Variants in ZFYVE1 observed in about 807,000 individuals in gnomAD.
ZFYVE1 encodes the protein zinc finger FYVE domain-containing protein 1.
ZFYVE1 carries 30 observed loss-of-function variants against 74.4 expected under a neutral mutation model. The ratio of observed to expected loss-of-function variants is 0.40; its 90% CI spans 0.30 to 0.55. The LOEUF is 0.55. ZFYVE1 is among the 20% of genes least tolerant of loss of function. ZFYVE1 has a pLI of 0.42. For missense variants in ZFYVE1, 703 were observed against 1,011.6 expected (o/e 0.69, Z 4.14); for synonymous variants, 335 against 385.1 (o/e 0.87, Z 1.52).
Position 72,975,704 on chromosome 14 carries a change from C to T in ZFYVE1, c.1653G>A (p.Lys551=). The T allele has an allele frequency of 6.2e-7, 1 of 1,613,866 alleles. No individual in the cohort carries two copies. The highest frequency in any genetic ancestry group is 2.2e-5 in the East Asian group (1 of 44,868). Residue 551 remains lysine, a synonymous_variant, in exon 9 of 12, where the codon AAG becomes AAA. Coordinates refer to ENST00000556143, the MANE Select transcript of ZFYVE1 (RefSeq NM_021260.4). This position sits in a 1 kb window ranked among gnomAD's most constrained non-coding sequence, Gnocchi z 4.1. The part of the protein sequence containing the change: ...HVWPGTDGFL[K]DNNNAAQRLL... ...GGCGCTGGGCAGCATTGTTGTTGTC[C>T]TTCAGAAACCCATCAGTCTGAAATG...
At position 73,024,016 on chromosome 14, in the gene ZFYVE1, G is replaced by A. The variant is rs373495477; in HGVS notation, c.483+10C>T. On this transcript the variant is annotated intron_variant, in intron 2 of 11. Coordinates refer to ENST00000556143, the MANE Select transcript of ZFYVE1 (RefSeq NM_021260.4). Reference sequence around the variant, plus strand: ...ACTACACATGAATCCCACTATACCCGTGTGCTTACCTGAATTTCTTCATTT... The same window carrying A: ...ACTACACATGAATCCCACTATACCCATGTGCTTACCTGAATTTCTTCATTT... The A allele has an allele frequency of 2.3e-5, 37 of 1,612,086 alleles. No individual in the cohort carries two copies. The Middle Eastern group carries it at 4.9e-4, about 21-fold the overall frequency.
chr14:73,023,884 C>T, intron 2 of ZFYVE1, 142 bp downstream of exon 2: 1 of 1,195,914 alleles, frequency 8.4e-7, no homozygotes. Context: ...CTAAATCTGA[C>T]TCCATGCAAC....
chr14:73,024,208 G>A lies in ZFYVE1; in HGVS notation c.301C>T (p.Leu101=). ...GAATGAGTCCTCTTCTGGCACTCCA[G>A]GCACAAGTTAATTTTGCAGGTCTGG... ...RCQTCKINLC[L]ECQKRTHSGG... is the part of the protein sequence containing the mutation. The change falls in exon 2 of 12, where the codon CTG becomes TTG. Residue 101 remains leucine, a synonymous_variant. Transcript: ENST00000556143. The A allele has an allele frequency of 1.2e-6, 2 of 1,614,088 alleles. No individual in the cohort carries two copies. The highest frequency in any genetic ancestry group is 1.7e-5 in the Admixed American group (1 of 59,986).
At chr14:73,012,362 T>C (rs1894108948) in intron 2 of ZFYVE1, among the ~76,000 whole-genome samples, 1 of 151,926 alleles carries the variant, frequency 6.6e-6, no homozygotes, top group Non-Finnish European at 1.5e-5. Flanking sequence ...TGCCTCATGC[T>C]TGTAAACCCA....
intron 2 of ZFYVE1, among the ~76,000 whole-genome samples, chr14:73,007,156 T>C (rs889556195): frequency 6.6e-6 from 1 of 151,906 alleles, no homozygotes; most frequent in African/African-American, 2.4e-5. Context: ...TGAAAGACCA[T>C]GTACCGGCTC....
At chr14:72,973,622 A>G (rs747608366) in intron 11 of ZFYVE1, among the ~76,000 whole-genome samples, 4 of 152,208 alleles carry the variant, frequency 2.6e-5, no homozygotes, top group Admixed American at 6.5e-5. Flanking sequence ...GGCCTGGAGA[A>G]TACAAAGACC....
intron 3 of ZFYVE1, among the ~76,000 whole-genome samples, chr14:72,997,115 G>A (rs911591803): frequency 6.6e-6 from 1 of 152,130 alleles, no homozygotes; most frequent in African/African-American, 2.4e-5. Flanking sequence ...TGGATGAACT[G>A]TCCGTGGTCC....
At chr14:73,016,732 G>C (rs1341691517) in intron 2 of ZFYVE1, among the ~76,000 whole-genome samples, 1 of 151,674 alleles carries the variant, frequency 6.6e-6, no homozygotes, top group Non-Finnish European at 1.5e-5. Context: ...AAATTAGCCA[G>C]GTGTGGTGGC....
chr14:73,027,082 T>A lies in ZFYVE1; in HGVS notation c.-591A>T, dbSNP rs1178454052. The A allele has an allele frequency of 1.0e-5, 4 of 398,964 alleles. No individual in the cohort carries two copies. The highest frequency in any genetic ancestry group is 1.8e-5 in the Non-Finnish European group (4 of 226,434). The allele number at this position is 398,964 out of a possible 1,614,324, so 24.7% of individuals were successfully genotyped here. The stretch of plus-strand genomic sequence containing the variant: ...TCCCGGGCTTCCTCCTCTCCTGTTG[T>A]CAGTTGGGATCAGCTGATCGGAGTG... On this transcript the variant is annotated 5_prime_UTR_variant, in exon 1 of 12. Coordinates refer to ENST00000556143, the MANE Select transcript of ZFYVE1 (RefSeq NM_021260.4).
At chr14:72,979,810 G>A (rs923352868) in intron 5 of ZFYVE1, among the ~76,000 whole-genome samples, 69 of 152,234 alleles carry the variant, frequency 4.5e-4, no homozygotes, top group African/African-American at 1.5e-3. Context: ...GAAATGGAAC[G>A]TTTACCCAGA....
intron 4 of ZFYVE1, among the ~76,000 whole-genome samples, chr14:72,991,878 T>A (rs1160649082): frequency 6.6e-6 from 1 of 151,872 alleles, no homozygotes; most frequent in Non-Finnish European, 1.5e-5. Context: ...TTTCATTTAA[T>A]CCCCACCTCT....
intron 2 of ZFYVE1, among the ~76,000 whole-genome samples, chr14:73,020,889 A>G (rs950136631): frequency 2.0e-5 from 3 of 152,092 alleles, no homozygotes; most frequent in African/African-American, 7.2e-5. Flanking sequence ...GTGAGCCACC[A>G]TGCCTAGCTA....
rs73301221 is a variant in ZFYVE1, at chr14:73,023,714, C to G, written c.483+312G>C. Among the ~76,000 whole-genome samples the G allele has an allele frequency of 3.5e-3, 533 of 152,086 alleles. 3 individuals carry two copies. Among genetic ancestry groups the G allele is most frequent in the African/African-American group, 0.012 (493 of 41,500 alleles). On this transcript the variant is annotated intron_variant, in intron 2 of 11. Coordinates refer to ENST00000556143, the MANE Select transcript of ZFYVE1 (RefSeq NM_021260.4). ...ATGCTACAATTAATACTAACAACAG[C>G]TACCGTATACACTGACCATTTATTA...
intron 1 of ZFYVE1, among the ~76,000 whole-genome samples, chr14:73,025,286 C>G (rs923195620): frequency 1.3e-5 from 2 of 151,924 alleles, no homozygotes; most frequent in Non-Finnish European, 2.9e-5. Flanking sequence ...CCAGGCTGGT[C>G]TTGAACTCTT....
chr14:73,010,850 T>C (rs139867745), intron 2 of ZFYVE1, among the ~76,000 whole-genome samples: 16 of 151,300 alleles, frequency 1.1e-4, no homozygotes, highest in African/African-American at 3.9e-4. Context: ...TACATTTCAT[T>C]GAAAATCCTT....
Position 72,983,197 on chromosome 14 carries a change from T to A in ZFYVE1, c.1204-1302A>T, listed in dbSNP as rs538209768. On this transcript the variant is annotated intron_variant, in intron 4 of 11. Coordinates refer to ENST00000556143, the MANE Select transcript of ZFYVE1 (RefSeq NM_021260.4). ...TCCTTTTCCTGTTTCCAATGCAGTCTTTTTTTTTTTTTAATTATATTTTAA... is the reference window on the plus strand; with the variant it reads ...TCCTTTTCCTGTTTCCAATGCAGTCATTTTTTTTTTTTAATTATATTTTAA... Among the ~76,000 whole-genome samples the A allele has an allele frequency of 4.7e-5, 5 of 106,424 alleles. No homozygotes were observed. The South Asian group carries it at 7.8e-4, about 17-fold the overall frequency. 69.8% of individuals were successfully genotyped at this position (106,424 alleles called of 152,430 possible).
intron 2 of ZFYVE1, among the ~76,000 whole-genome samples, chr14:72,998,889 G>A (rs1893810686): frequency 6.6e-6 from 1 of 151,204 alleles, no homozygotes; most frequent in South Asian, 2.1e-4. Flanking sequence ...CAAGTGAGGT[G>A]ACTCAGGAGT....
At position 73,024,290 on chromosome 14, in the gene ZFYVE1, G is replaced by A; in HGVS notation, c.219C>T (p.Leu73=). 6.2e-7 allele frequency: 1 copy of A among 1,614,170 alleles called. No individual in the cohort carries two copies. The highest frequency in any genetic ancestry group is 8.5e-7 in the Non-Finnish European group (1 of 1,180,032). ...LKPGHVPYCD[L]CKGLSGHLPG... ...GTAAATGCCCACTGAGACCCTTGCA[G>A]AGGTCACAGTAAGGGACATGGCCAG... is the stretch of plus-strand genomic sequence containing the variant. Residue 73 remains leucine (L), a synonymous_variant, in exon 2 of 12, where the codon CTC becomes CTT. Transcript: ENST00000556143.
chr14:72,990,594 C>T (rs1319899116), intron 4 of ZFYVE1, among the ~76,000 whole-genome samples: 1 of 150,692 alleles, frequency 6.6e-6, no homozygotes, highest in African/African-American at 2.4e-5. Context: ...CGTGGTTGCT[C>T]CATGTTGGTC....
Sources: allele counts gnomAD v4.1 joint callset (sites outside exome capture counted in the v4.1 genomes callset), GRCh38; gene constraint gnomAD v4.1.1; non-coding constraint Gnocchi (gnomAD v3.1); transcripts MANE v1.5; gene names NCBI Gene and HGNC (gene_info 2026-07-23, HGNC 2026-07-21).